The following DIP2C variants were observed in gnomAD, a reference collection of about 807,000 sequenced individuals.
The protein encoded by DIP2C is disco-interacting protein 2 homolog C.
Under a neutral mutation model 192.4 loss-of-function variants are expected in DIP2C, and 33 were observed. The ratio of observed to expected loss-of-function variants is 0.17; its 90% CI spans 0.13 to 0.23. The LOEUF (loss-of-function observed/expected upper bound fraction) is 0.23, where lower values mean the gene tolerates loss of function less well. DIP2C is among the 10% of genes least tolerant of loss of function. The pLI is 1.00. For missense variants in DIP2C, 1,537 were observed against 2,110.1 expected, an observed-to-expected ratio of 0.73 and a Z score of 5.32; for synonymous variants, 979 against 864.1, an observed-to-expected ratio of 1.13 and a Z score of -2.33.
At chr10:308,269 C>T (rs866473982) in intron 32 of DIP2C, among the ~76,000 whole-genome samples, 3 of 149,722 alleles carry the variant, frequency 2.0e-5, no homozygotes, top group East Asian at 3.9e-4. Context: ...CTAGCAGCGA[C>T]GGTCAGCGGC....
rs1273720570 is a variant in DIP2C, at chr10:618,926, T to C, written c.85+70568A>G. Among the ~76,000 whole-genome samples the C allele has an allele frequency of 4.6e-5, 7 of 152,236 alleles. No homozygotes were observed. In the East Asian group the frequency reaches 1.2e-3, roughly 25 times the overall value. On this transcript the variant is annotated intron_variant, in intron 1 of 36. Transcript: ENST00000280886. Reference sequence around the variant, plus strand: ...TTAACAAAACCTGAAAGGACAGGTCTGTGTAGAAAAACATCAAAAATACTT... The same window carrying C: ...TTAACAAAACCTGAAAGGACAGGTCCGTGTAGAAAAACATCAAAAATACTT...
chr10:541,490 T>C (rs1357493585), intron 1 of DIP2C, among the ~76,000 whole-genome samples: 2 of 91,646 alleles, frequency 2.2e-5, no homozygotes, highest in African/African-American at 8.3e-5. Context: ...ATATCTCTCC[T>C]GGATCCCACA....
chr10:337,011 CTG>C (rs71374355), intron 29 of DIP2C, among the ~76,000 whole-genome samples: 26 of 38,616 alleles, frequency 6.7e-4, no homozygotes, highest in East Asian at 1.7e-3. Context: ...GCCTAGGCAG[CTG>C]TGTGTGTGTG....
intron 1 of DIP2C, among the ~76,000 whole-genome samples, chr10:526,275 C>T (rs1486973508): frequency 6.6e-6 from 1 of 152,206 alleles, no homozygotes; most frequent in East Asian, 1.9e-4. Flanking sequence ...AGATGCTGCA[C>T]AGCTGTTTCT....
chr10:579,884 C>A (rs142027393), intron 1 of DIP2C, among the ~76,000 whole-genome samples: 2 of 151,700 alleles, frequency 1.3e-5, no homozygotes, highest in Non-Finnish European at 2.9e-5. Context: ...AACACATGTA[C>A]ATGCATCTAG....
intron 1 of DIP2C, among the ~76,000 whole-genome samples, chr10:600,577 G>A (rs111580665): frequency 5.0e-5 from 7 of 140,502 alleles, no homozygotes; most frequent in Non-Finnish European, 9.5e-5. Flanking sequence ...GCTCCCGTGC[G>A]ACCCCACAGC....
intron 29 of DIP2C, among the ~76,000 whole-genome samples, chr10:338,888 A>AC (rs1034698104): frequency 8.7e-6 from 1 of 114,906 alleles, no homozygotes; most frequent in Non-Finnish European, 1.9e-5. Flanking sequence ...TGCACCCTGC[A>AC]CCCTGCCTGG....
At chr10:349,240 C>CG (rs1958670825) in intron 25 of DIP2C, 91 bp downstream of exon 25, 2 of 1,520,292 alleles carry the variant, frequency 1.3e-6, no homozygotes, top group Non-Finnish European at 1.8e-6. Context: ...ACGCGACCCT[C>CG]GGCTCAGGCA....
chr10:664,071 G>T (rs576922057), intron 1 of DIP2C: 1 of 152,090 alleles, frequency 6.6e-6, no homozygotes, highest in South Asian at 2.1e-4. Context: ...AGGGTGGGAG[G>T]CAGGGGTGAC....
intron 17 of DIP2C, among the ~76,000 whole-genome samples, chr10:372,945 C>A (rs1390912973): frequency 1.3e-5 from 2 of 152,236 alleles, no homozygotes; most frequent in African/African-American, 4.8e-5. Flanking sequence ...AACCAGTGCC[C>A]CAGGGGTACC....
intron 1 of DIP2C, among the ~76,000 whole-genome samples, chr10:586,017 A>AT (rs748025574): frequency 2.0e-5 from 3 of 152,162 alleles, no homozygotes; most frequent in Non-Finnish European, 2.9e-5. Flanking sequence ...GAGACACAGG[A>AT]TTAAAGGCAG....
chr10:407,128 ACTTTCTCCATTG>A (rs1244272389), intron 9 of DIP2C, among the ~76,000 whole-genome samples: 1 of 152,166 alleles, frequency 6.6e-6, no homozygotes, highest in Admixed American at 6.5e-5. Flanking sequence ...TGCGTGAATC[ACTTTCTCCATTG>A]CAATCCCCGT....
chr10:456,589 GA>G (rs1334493364), intron 3 of DIP2C, among the ~76,000 whole-genome samples: 1 of 152,214 alleles, frequency 6.6e-6, no homozygotes, highest in Non-Finnish European at 1.5e-5. Flanking sequence ...CCCAAGTCTG[GA>G]AAGAGGACAG....
chr10:286,137 C>T, intron 34 of DIP2C, 136 bp downstream of exon 34: 1 of 784,454 alleles, frequency 1.3e-6, no homozygotes, highest in Non-Finnish European at 2.1e-6. Flanking sequence ...ACGCTATTTC[C>T]CAGGCAATCA....
intron 1 of DIP2C, among the ~76,000 whole-genome samples, chr10:562,220 G>C (rs769772099): frequency 4.6e-5 from 7 of 152,216 alleles, no homozygotes; most frequent in Admixed American, 1.3e-4. Context: ...AACACACACA[G>C]AGGATCCACG....
intron 1 of DIP2C, among the ~76,000 whole-genome samples, chr10:590,617 C>T (rs1588538945): frequency 6.6e-6 from 1 of 152,244 alleles, no homozygotes; most frequent in Non-Finnish European, 1.5e-5. Context: ...TGAGAGTTTA[C>T]TACAATCTTT....
At chr10:592,090 T>C (rs1046055629) in intron 1 of DIP2C, among the ~76,000 whole-genome samples, 7 of 151,556 alleles carry the variant, frequency 4.6e-5, no homozygotes, top group Admixed American at 2.0e-4. Flanking sequence ...CAACAAGAGG[T>C]TTTTTTCTGT....
chr10:382,440 A>C, intron 17 of DIP2C: 1 of 501,664 alleles, frequency 2.0e-6, no homozygotes, highest in East Asian at 3.3e-5. Context: ...AACTGCAGAG[A>C]GCGATAAATG....
chr10:469,949 G>T (rs935174546), intron 3 of DIP2C, among the ~76,000 whole-genome samples: 1 of 152,190 alleles, frequency 6.6e-6, no homozygotes, highest in Admixed American at 6.5e-5. Context: ...ACAGAACAGA[G>T]ATCCTGGCCT....
Sources: gnomAD v4.1 joint callset for allele counts (sites outside exome capture counted in the v4.1 genomes callset) on GRCh38, gnomAD v4.1.1 for gene constraint, MANE v1.5 for transcripts, NCBI Gene and HGNC (gene_info 2026-07-23, HGNC 2026-07-21) for gene names.